The following MGAT4C variants were observed in gnomAD, a reference collection of about 807,000 sequenced individuals.
The protein encoded by MGAT4C is MGAT4 family member C.
In MGAT4C, 19 loss-of-function variants were observed where a neutral mutation model predicts 40.1. The ratio of observed to expected loss-of-function variants is 0.47; its 90% CI spans 0.33 to 0.70. MGAT4C has a LOEUF of 0.70. MGAT4C is among the 30% of genes least tolerant of loss of function. MGAT4C has a pLI of 0.02. For missense variants in MGAT4C, 491 were observed against 563.2 expected (o/e 0.87, Z 1.30); for synonymous variants, 181 against 187.1 (o/e 0.97, Z 0.27).
intron 2 of MGAT4C, among the ~76,000 whole-genome samples, chr12:86,479,850 A>T (rs1185444243): frequency 6.6e-6 from 1 of 151,918 alleles, no homozygotes; most frequent in Non-Finnish European, 1.5e-5. Flanking sequence ...CAAAGTTGCA[A>T]AAAAGACTAG....
intron 3 of MGAT4C, among the ~76,000 whole-genome samples, chr12:86,430,705 G>T (rs1318595666): frequency 6.6e-6 from 1 of 152,154 alleles, no homozygotes; most frequent in Non-Finnish European, 1.5e-5. Context: ...GGGCTCCAAG[G>T]TTAGGTGGAG....
At chr12:86,100,673 C>T (rs1051849949) in intron 1 of MGAT4C, among the ~76,000 whole-genome samples, 2 of 151,342 alleles carry the variant, frequency 1.3e-5, no homozygotes, top group Non-Finnish European at 1.5e-5. Flanking sequence ...AATGTGCATA[C>T]ATTTAAAATT....
At chr12:86,810,905 T>C (rs550660953) in intron 1 of MGAT4C, among the ~76,000 whole-genome samples, 122 of 152,116 alleles carry the variant, frequency 8.0e-4, no homozygotes, top group African/African-American at 2.8e-3. Context: ...TAATTAGCAA[T>C]TGCAATTAGC....
upstream of MGAT4C, among the ~76,000 whole-genome samples, chr12:86,258,423 G>A (rs2465144): frequency 0.67 from 101,211 of 151,746 alleles, 34,173 homozygotes; most frequent in South Asian, 0.77. Flanking sequence ...TTTTGCATTT[G>A]TTTGGGTGAC....
intron 2 of MGAT4C, among the ~76,000 whole-genome samples, chr12:86,564,724 G>A (rs1385376232): frequency 1.3e-5 from 2 of 152,154 alleles, no homozygotes; most frequent in Non-Finnish European, 2.9e-5. Flanking sequence ...AATGCCTAGT[G>A]GGCCTGTTTG....
chr12:86,696,633 A>G (rs1413271248), intron 2 of MGAT4C, among the ~76,000 whole-genome samples: 1 of 152,162 alleles, frequency 6.6e-6, no homozygotes. Flanking sequence ...GCAACAGGTT[A>G]TTTTAGTTTT....
intron 1 of MGAT4C, among the ~76,000 whole-genome samples, chr12:86,181,580 A>ACAATG (rs1432102327): frequency 6.6e-6 from 1 of 152,182 alleles, no homozygotes; most frequent in Non-Finnish European, 1.5e-5. Flanking sequence ...ATCAATCTAT[A>ACAATG]CAATGCAAAT....
rs1952875305 is a variant in MGAT4C, at chr12:86,829,433, C to T, written c.-262+9233G>A. Reference sequence around the variant, plus strand: ...GTAAAACATTTGGAAGACTGAGTAACTATTTCAAGTAAATCTAAAGCTAAA... The same window carrying T: ...GTAAAACATTTGGAAGACTGAGTAATTATTTCAAGTAAATCTAAAGCTAAA... On this transcript the variant is annotated intron_variant, in intron 1 of 7. Transcript: ENST00000548651. 3.3e-5 allele frequency among the ~76,000 whole-genome samples: 5 copies of T among 151,682 alleles called. No homozygotes were observed. The South Asian group carries it at 1.0e-3, about 32-fold the overall frequency.
intron 2 of MGAT4C, among the ~76,000 whole-genome samples, chr12:86,588,726 C>G (rs1295717343): frequency 1.3e-5 from 2 of 151,982 alleles, no homozygotes; most frequent in Non-Finnish European, 2.9e-5. Flanking sequence ...TGCAATCAAA[C>G]TAGAACTCAG....
chr12:86,678,698 C>T (rs527609685), intron 2 of MGAT4C, among the ~76,000 whole-genome samples: 11 of 150,798 alleles, frequency 7.3e-5, no homozygotes, highest in Admixed American at 2.7e-4. Context: ...TTTGTTCTTG[C>T]GATAGTTTAC....
At chr12:86,474,248 A>G (rs754050498) in intron 2 of MGAT4C, among the ~76,000 whole-genome samples, 8 of 151,570 alleles carry the variant, frequency 5.3e-5, no homozygotes, top group Non-Finnish European at 1.0e-4. Flanking sequence ...GGAAACTATC[A>G]TTCTCAGCAA....
At chr12:86,573,506 A>G (rs747682239) in intron 2 of MGAT4C, among the ~76,000 whole-genome samples, 20 of 152,012 alleles carry the variant, frequency 1.3e-4, no homozygotes, top group Non-Finnish European at 2.2e-4. Flanking sequence ...GATTTTAGTT[A>G]GTGACGTAAT....
intron 1 of MGAT4C, among the ~76,000 whole-genome samples, chr12:86,747,814 T>C (rs1273080643): frequency 6.6e-6 from 1 of 151,388 alleles, no homozygotes; most frequent in Non-Finnish European, 1.5e-5. Context: ...GGCTGATACG[T>C]GCAATTTGAA....
chr12:86,712,524 T>G (rs959552310), intron 2 of MGAT4C, among the ~76,000 whole-genome samples: 2 of 152,162 alleles, frequency 1.3e-5, no homozygotes, highest in Non-Finnish European at 2.9e-5. Context: ...GATGCTGGAA[T>G]CTCTTGAGTA....
At chr12:86,482,581 C>A (rs778141848) in intron 2 of MGAT4C, among the ~76,000 whole-genome samples, 13 of 151,920 alleles carry the variant, frequency 8.6e-5, no homozygotes, top group Non-Finnish European at 1.8e-4. Context: ...AGAATTCCAA[C>A]CTTATTTATT....
At chr12:86,449,686 T>C (rs1957393007) in intron 2 of MGAT4C, among the ~76,000 whole-genome samples, 1 of 152,184 alleles carries the variant, frequency 6.6e-6, no homozygotes, top group African/African-American at 2.4e-5. Context: ...ATGTTTTATG[T>C]CTAATTTCAT....
At chr12:86,653,662 T>C (rs1201708488) in intron 2 of MGAT4C, among the ~76,000 whole-genome samples, 1 of 152,000 alleles carries the variant, frequency 6.6e-6, no homozygotes, top group Non-Finnish European at 1.5e-5. Context: ...TGTATCTTTC[T>C]TGTATAACAA....
chr12:86,720,145 A>G (rs1404833932), intron 2 of MGAT4C, among the ~76,000 whole-genome samples: 1 of 152,126 alleles, frequency 6.6e-6, no homozygotes, highest in Non-Finnish European at 1.5e-5. Flanking sequence ...ATTTCTTTCC[A>G]TTTTCTCTAA....
At chr12:86,774,396 C>CTCCT (rs1358422952) in intron 1 of MGAT4C, among the ~76,000 whole-genome samples, 1 of 92,194 alleles carries the variant, frequency 1.1e-5, no homozygotes, top group Non-Finnish European at 2.2e-5. Flanking sequence ...CTCTCTCTCT[C>CTCCT]CTCTCTCTCT....
Sources: gnomAD v4.1 joint callset for allele counts (sites outside exome capture counted in the v4.1 genomes callset) on GRCh38, gnomAD v4.1.1 for gene constraint, MANE v1.5 for transcripts, NCBI Gene and HGNC (gene_info 2026-07-23, HGNC 2026-07-21) for gene names.